Variants in ACVR2B observed in about 807,000 individuals in gnomAD.
ACVR2B encodes activin receptor type-2B.
A neutral mutation model predicts 65.1 loss-of-function variants in ACVR2B; 18 were observed. That is an observed-to-expected ratio of 0.28 (90% CI 0.19 to 0.41). ACVR2B has a LOEUF of 0.41. Ranked by LOEUF, ACVR2B falls within the 10% of genes least tolerant of loss-of-function variation. The pLI, the probability that ACVR2B is intolerant of heterozygous loss-of-function variation, is 1.00. For missense variants in ACVR2B, 482 were observed against 682.7 expected, an observed-to-expected ratio of 0.71 and a Z score of 3.28; for synonymous variants, 298 against 277.7, an observed-to-expected ratio of 1.07 and a Z score of -0.73.
intron 1 of ACVR2B, among the ~76,000 whole-genome samples, chr3:38,462,175 C>T (rs1215839172): frequency 6.6e-6 from 1 of 152,060 alleles, no homozygotes; most frequent in Non-Finnish European, 1.5e-5. Context: ...GCCTGGGCAA[C>T]AGAGCGAGAC....
intron 1 of ACVR2B, chr3:38,474,057 T>G (rs1188193945): frequency 6.6e-6 from 1 of 152,294 alleles, no homozygotes; most frequent in Non-Finnish European, 1.5e-5. Context: ...CATTTTTGTA[T>G]TTTTAGTAGA....
rs1559663023 is a variant in ACVR2B at position 38,492,803 on chromosome 3, CATA to C, written c.*9472_*9474del. 11 of 77,428 alleles carry C rather than the reference CATA, an allele frequency of 1.4e-4. No individual in the cohort carries two copies. Among genetic ancestry groups the C allele is most frequent in the East Asian group, 6.6e-4 (1 of 1,508 alleles). 4.8% of individuals were successfully genotyped at this position (77,428 alleles called of 1,614,324 possible). A position where few individuals can be genotyped will look rare whatever the true frequency, so the allele number is the denominator to read the frequency against. Reference sequence around the variant, plus strand: ...ACACACACACACACACACACACACACATACACCTAAAATGGCCTAAAGCAGACA... The same window carrying C: ...ACACACACACACACACACACACACACCACCTAAAATGGCCTAAAGCAGACA... On this transcript the variant is annotated 3_prime_UTR_variant, in exon 11 of 11. Transcript: ENST00000352511.
chr3:38,464,253 C>G (rs1382024101), intron 1 of ACVR2B, among the ~76,000 whole-genome samples: 1 of 152,228 alleles, frequency 6.6e-6, no homozygotes, highest in African/African-American at 2.4e-5. Context: ...GGGCTTTGCC[C>G]TGGTGTCTCT....
chr3:38,468,605 T>C (rs1709770798), intron 1 of ACVR2B, among the ~76,000 whole-genome samples: 1 of 152,216 alleles, frequency 6.6e-6, no homozygotes, highest in African/African-American at 2.4e-5. Flanking sequence ...CTCTTCTGTC[T>C]TTAGACTCAT....
intron 1 of ACVR2B, among the ~76,000 whole-genome samples, chr3:38,462,116 C>T (rs919704297): frequency 6.6e-6 from 1 of 152,108 alleles, no homozygotes; most frequent in Non-Finnish European, 1.5e-5. Flanking sequence ...ATGGCGTGAA[C>T]CCGGGAGGCG....
At chr3:38,455,039 G>A (rs1709522151) in intron 1 of ACVR2B, among the ~76,000 whole-genome samples, 1 of 152,150 alleles carries the variant, frequency 6.6e-6, no homozygotes, top group Non-Finnish European at 1.5e-5. Flanking sequence ...AACCCAACAG[G>A]TCCCTCTTCC....
At chr3:38,457,513 TGTG>T (rs1238979081) in intron 1 of ACVR2B, among the ~76,000 whole-genome samples, 2 of 152,250 alleles carry the variant, frequency 1.3e-5, no homozygotes, top group Admixed American at 6.5e-5. Context: ...TCAAGTCTTT[TGTG>T]GTCTGTGCTT....
At chr3:38,454,412 G>A in intron 1 of ACVR2B, 38 bp downstream of exon 1, 1 of 1,242,094 alleles carries the variant, frequency 8.1e-7, no homozygotes, top group Non-Finnish European at 1.0e-6. Context: ...CCGAGAGGGC[G>A]CGCGGGGCTG....
intron 1 of ACVR2B, among the ~76,000 whole-genome samples, chr3:38,468,443 C>T (rs967230557): frequency 2.0e-5 from 3 of 152,108 alleles, no homozygotes; most frequent in Admixed American, 1.3e-4. Flanking sequence ...CAGTGTGATA[C>T]CTGTGTCCTC....
intron 1 of ACVR2B, among the ~76,000 whole-genome samples, chr3:38,457,813 C>T (rs965708722): frequency 1.2e-4 from 18 of 152,084 alleles, no homozygotes; most frequent in African/African-American, 3.9e-4. Context: ...TGGGGGAGGG[C>T]GGAGGGAGTG....
rs532752371 is a variant in ACVR2B at position 38,482,344 on chromosome 3, G to C, written c.1213+8G>C. ...GCTGCAAGGCTGCAGACGGTAAGTAGGATGGCAGCCCTGGGCATCCTAGAT... is the reference window on the plus strand; with the variant it reads ...GCTGCAAGGCTGCAGACGGTAAGTACGATGGCAGCCCTGGGCATCCTAGAT... On this transcript the variant is annotated splice_region_variant and intron_variant, in intron 9 of 10. Coordinates refer to ENST00000352511, the MANE Select transcript of ACVR2B (RefSeq NM_001106.4). 1 of 1,610,704 alleles carries C rather than the reference G, an allele frequency of 6.2e-7. No individual in the cohort carries two copies. Among genetic ancestry groups the C allele is most frequent in the Non-Finnish European group, 8.5e-7 (1 of 1,179,288 alleles).
At chr3:38,458,588 C>G (rs1476337906) in intron 1 of ACVR2B, among the ~76,000 whole-genome samples, 1 of 152,162 alleles carries the variant, frequency 6.6e-6, no homozygotes, top group Non-Finnish European at 1.5e-5. Context: ...GTCTCTCTTT[C>G]CAGAAAGCTG....
chr3:38,454,511 G>T (rs1353595440), intron 1 of ACVR2B, 137 bp downstream of exon 1: 2 of 812,722 alleles, frequency 2.5e-6, no homozygotes, highest in East Asian at 3.8e-5. Context: ...ACCTCCGGGG[G>T]CGTGGGCTGG....
Position 38,487,763 on chromosome 3 carries a change from CATAAG to C in ACVR2B, c.*4432_*4436del, listed in dbSNP as rs1710147653. ...CTGGTTTTTAAAATAATACAGTAAG[CATAAG>C]TATGTAAGTTTTTAGAATTGGTACT... is the stretch of plus-strand genomic sequence containing the variant. On this transcript the variant is annotated 3_prime_UTR_variant, in exon 11 of 11. Coordinates refer to ENST00000352511, the MANE Select transcript of ACVR2B (RefSeq NM_001106.4). 6.6e-6 allele frequency: 1 copy of C among 152,134 alleles called. No individual in the cohort carries two copies. The highest frequency in any genetic ancestry group is 1.5e-5 in the Non-Finnish European group (1 of 68,030). 9.4% of individuals were successfully genotyped at this position (152,134 alleles called of 1,614,324 possible). A position where few individuals can be genotyped will look rare whatever the true frequency, so the allele number is the denominator to read the frequency against.
intron 1 of ACVR2B, among the ~76,000 whole-genome samples, chr3:38,463,600 C>G (rs1270235544): frequency 1.3e-5 from 2 of 152,190 alleles, no homozygotes; most frequent in East Asian, 1.9e-4. Flanking sequence ...TTGCTGCCTA[C>G]TCTTTACTGT....
intron 1 of ACVR2B, among the ~76,000 whole-genome samples, chr3:38,470,244 G>GAA (rs1399392690): frequency 6.6e-6 from 1 of 152,106 alleles, no homozygotes; most frequent in Non-Finnish European, 1.5e-5. Context: ...AAGGCATAGT[G>GAA]AACCCCAAAT....
intron 1 of ACVR2B, chr3:38,476,361 G>C (rs1445837796): frequency 6.6e-6 from 1 of 152,170 alleles, no homozygotes; most frequent in Non-Finnish European, 1.5e-5. Flanking sequence ...GGAGTGCCCT[G>C]GGGTCATCAG....
intron 1 of ACVR2B, among the ~76,000 whole-genome samples, chr3:38,464,082 T>G (rs1575580190): frequency 6.6e-6 from 1 of 152,334 alleles, no homozygotes; most frequent in African/African-American, 2.4e-5. Context: ...TGCAATTACT[T>G]TTGCACCAAC....
chr3:38,476,249 A>C (rs1056980792), intron 1 of ACVR2B: 9 of 152,184 alleles, frequency 5.9e-5, no homozygotes, highest in African/African-American at 2.2e-4. Context: ...GTTTGAAATC[A>C]AGTTTGAAGG....
Sources: allele counts gnomAD v4.1 joint callset (sites outside exome capture counted in the v4.1 genomes callset), GRCh38; gene constraint gnomAD v4.1.1; transcripts MANE v1.5; gene names NCBI Gene and HGNC (gene_info 2026-07-23, HGNC 2026-07-21).